BCAS3: variants seen among roughly 807,000 people sequenced by gnomAD.
BCAS3 encodes BCAS4/BCAS3 fusion.
In BCAS3, 53 loss-of-function variants were observed where a neutral mutation model predicts 116.1. The ratio of observed to expected loss-of-function variants is 0.46; its 90% CI spans 0.37 to 0.57. BCAS3 has a LOEUF of 0.57. Among genes scored for constraint, BCAS3 ranks in the 20% least tolerant of loss-of-function variants. BCAS3 has a pLI of 0.00. For missense variants in BCAS3, 917 were observed against 1,165.4 expected (o/e 0.79, Z 3.10); for synonymous variants, 391 against 408.2 (o/e 0.96, Z 0.51).
intron 22 of BCAS3, among the ~76,000 whole-genome samples, chr17:61,166,177 C>T (rs984816373): frequency 6.6e-6 from 1 of 152,138 alleles, no homozygotes; most frequent in African/African-American, 2.4e-5. Context: ...AGATTATCAT[C>T]AAGCAAAATC....
intron 16 of BCAS3, 85 bp downstream of exon 16, chr17:61,015,986 G>GT (rs2145534465): frequency 7.3e-7 from 1 of 1,378,428 alleles, no homozygotes; most frequent in Non-Finnish European, 1.0e-6. Flanking sequence ...TCTTTGTGTG[G>GT]TTTTTATTAT....
chr17:60,802,946 G>T (rs1308610911), intron 6 of BCAS3, among the ~76,000 whole-genome samples: 3 of 152,220 alleles, frequency 2.0e-5, no homozygotes, highest in Non-Finnish European at 4.4e-5. Context: ...TTATTGTGAG[G>T]TGCTTTGGTT....
At chr17:61,350,346 C>T (rs931679736) in intron 22 of BCAS3, among the ~76,000 whole-genome samples, 11 of 151,824 alleles carry the variant, frequency 7.2e-5, no homozygotes, top group African/African-American at 2.2e-4. Context: ...ACCCAGGAGG[C>T]GGAGATTGCA....
At chr17:61,190,451 C>G (rs192950501) in intron 22 of BCAS3, among the ~76,000 whole-genome samples, 1 of 122,810 alleles carries the variant, frequency 8.1e-6, no homozygotes, top group Non-Finnish European at 1.6e-5. Flanking sequence ...CGCTTGAACC[C>G]GGGAGGCAGA....
intron 22 of BCAS3, among the ~76,000 whole-genome samples, chr17:61,206,586 G>A (rs2081139329): frequency 6.6e-6 from 1 of 151,908 alleles, no homozygotes; most frequent in African/African-American, 2.4e-5. Flanking sequence ...GATCACCCGA[G>A]GTCAGGAGTT....
intron 22 of BCAS3, among the ~76,000 whole-genome samples, chr17:61,169,479 A>T (rs887730932): frequency 2.2e-4 from 34 of 152,098 alleles, no homozygotes; most frequent in African/African-American, 7.7e-4. Context: ...TGCTATGTTG[A>T]CCAGGCTGGT....
At chr17:61,044,465 A>AAAAAAAAAAATATATATATATATAT in intron 19 of BCAS3, among the ~76,000 whole-genome samples, 17 of 120,086 alleles carry the variant, frequency 1.4e-4, no homozygotes, top group African/African-American at 8.0e-4. Flanking sequence ...AAAAAAAAAA[A>AAAAAAAAAAATATATATATATATAT]ATATATATAT....
intron 6 of BCAS3, among the ~76,000 whole-genome samples, chr17:60,777,281 C>T (rs1248664514): frequency 6.6e-6 from 1 of 152,064 alleles, no homozygotes; most frequent in African/African-American, 2.4e-5. Context: ...AGACTATGGC[C>T]ACTAAGTTCC....
Position 61,391,913 on chromosome 17 carries a change from A to G in BCAS3, c.2594-64A>G. ...TGCCTCAAGGCAGGCAGCCTGGCCC[A>G]GATGGTGCCCCCACTCCCCAGACCC... On this transcript the variant is annotated intron_variant, in intron 23 of 23. Coordinates refer to ENST00000407086, the MANE Select transcript of BCAS3 (RefSeq NM_017679.5). This position sits in a 1 kb window ranked among gnomAD's most constrained non-coding sequence, Gnocchi z 7.7. 1.3e-6 allele frequency: 2 copies of G among 1,564,058 alleles called. No homozygotes were observed. The highest frequency in any genetic ancestry group is 1.7e-6 in the Non-Finnish European group (2 of 1,152,248).
At chr17:60,684,867 G>T (rs2033785054) in intron 3 of BCAS3, among the ~76,000 whole-genome samples, 1 of 152,134 alleles carries the variant, frequency 6.6e-6, no homozygotes, top group Non-Finnish European at 1.5e-5. Context: ...CCAGCTTTAT[G>T]AGAGGATCCT....
chr17:61,191,956 G>A (rs918397068), intron 22 of BCAS3, among the ~76,000 whole-genome samples: 1 of 151,858 alleles, frequency 6.6e-6, no homozygotes, highest in Non-Finnish European at 1.5e-5. Flanking sequence ...GAAACATACA[G>A]TTTAGAGTCC....
rs919462720 is a variant in BCAS3 at position 61,390,234 on chromosome 17, C to A, written c.2594-1743C>A. ...AGGGGTCTCTTGGAGTCTGGAGCTTCCATGTAAAATCCCCAGGGTCTACTC... is the reference window on the plus strand; with the variant it reads ...AGGGGTCTCTTGGAGTCTGGAGCTTACATGTAAAATCCCCAGGGTCTACTC... On this transcript the variant is annotated intron_variant, in intron 23 of 23. Transcript: ENST00000407086. The surrounding 1 kb of genome is among the most constrained non-coding windows in gnomAD (Gnocchi z 6.8). The A allele has an allele frequency of 2.6e-5, 4 of 152,258 alleles. No individual in the cohort carries two copies. The highest frequency in any genetic ancestry group is 9.6e-5 in the African/African-American group (4 of 41,454). 9.4% of individuals were successfully genotyped at this position (152,258 alleles called of 1,614,324 possible). A position where few individuals can be genotyped will look rare whatever the true frequency, so the allele number is the denominator to read the frequency against.
rs1259109360 is a variant in BCAS3, at chr17:61,181,987, C to T, written c.2425+97423C>T. 6.6e-6 allele frequency among the ~76,000 whole-genome samples: 1 copy of T among 152,040 alleles called. No homozygotes were observed. Among genetic ancestry groups the T allele is most frequent in the Non-Finnish European group, 1.5e-5 (1 of 68,020 alleles). On this transcript the variant is annotated intron_variant, in intron 22 of 23. Transcript: ENST00000407086. The surrounding 1 kb of genome is among the most constrained non-coding windows in gnomAD (Gnocchi z 5.0). ...CTCTTGGGCTCAAGGGATCTTCCCA[C>T]CTCAGCCTGCCTTGTAGCTGGGACT...
At chr17:61,257,757 C>T (rs1236784148) in intron 22 of BCAS3, among the ~76,000 whole-genome samples, 2 of 152,164 alleles carry the variant, frequency 1.3e-5, no homozygotes, top group Non-Finnish European at 2.9e-5. Flanking sequence ...GTGTGACTTA[C>T]ACTTAGCTTG....
chr17:60,882,255 G>A (rs958230453), intron 9 of BCAS3, among the ~76,000 whole-genome samples: 7 of 151,882 alleles, frequency 4.6e-5, no homozygotes, highest in Non-Finnish European at 7.4e-5. Flanking sequence ...AGAAGTGTCT[G>A]TTCATGTCCT....
chr17:60,708,288 G>C (rs1480157352), intron 4 of BCAS3, among the ~76,000 whole-genome samples: 1 of 146,248 alleles, frequency 6.8e-6, no homozygotes, highest in East Asian at 2.1e-4. Flanking sequence ...TGGCACCACT[G>C]TACTCCAGCC....
intron 22 of BCAS3, among the ~76,000 whole-genome samples, chr17:61,299,442 CAAAAAAAAAAAAA>C (rs538072648): frequency 1.7e-5 from 1 of 57,154 alleles, no homozygotes; most frequent in African/African-American, 6.0e-5. Flanking sequence ...GACTCCATCT[CAAAAAAAAAAAAA>C]AAAAAAAAAA....
intron 23 of BCAS3, among the ~76,000 whole-genome samples, chr17:61,382,311 A>G (rs2059642755): frequency 6.7e-6 from 1 of 149,478 alleles, no homozygotes; most frequent in Admixed American, 6.7e-5. Context: ...CCCAGGCTGG[A>G]GTGCAATGGC....
intron 16 of BCAS3, among the ~76,000 whole-genome samples, chr17:61,031,569 C>G (rs1182725430): frequency 6.6e-6 from 1 of 152,004 alleles, no homozygotes; most frequent in Non-Finnish European, 1.5e-5. Flanking sequence ...CTCTGCAAAT[C>G]TTAAAGACAC....
Sources: allele counts gnomAD v4.1 joint callset (sites outside exome capture counted in the v4.1 genomes callset), GRCh38; gene constraint gnomAD v4.1.1; non-coding constraint Gnocchi (gnomAD v3.1); transcripts MANE v1.5; gene names NCBI Gene and HGNC (gene_info 2026-07-23, HGNC 2026-07-21).